The following APBB1IP variants were observed in gnomAD, a reference collection of about 807,000 sequenced individuals.
APBB1IP encodes the protein amyloid beta A4 precursor protein-binding family B member 1-interacting protein.
APBB1IP carries 27 observed loss-of-function variants against 64.9 expected under a neutral mutation model. The observed-to-expected ratio is 0.42, with a 90% CI of 0.31 to 0.57. The LOEUF (loss-of-function observed/expected upper bound fraction) is 0.57. APBB1IP is among the 20% of genes least tolerant of loss of function. The pLI is 0.20. For missense variants in APBB1IP, 812 were observed against 845.5 expected (o/e 0.96, Z 0.49); for synonymous variants, 392 against 331.0 (o/e 1.18, Z -2.00).
intron 6 of APBB1IP, among the ~76,000 whole-genome samples, chr10:26,507,402 C>A (rs569512726): frequency 2.0e-5 from 3 of 152,098 alleles, no homozygotes; most frequent in Non-Finnish European, 4.4e-5. Flanking sequence ...GTGGCTGAGG[C>A]GGGAGGATCC....
At chr10:26,489,559 G>C (rs1835931283) in intron 2 of APBB1IP, among the ~76,000 whole-genome samples, 1 of 152,178 alleles carries the variant, frequency 6.6e-6, no homozygotes, top group Non-Finnish European at 1.5e-5. Context: ...TGATTTTACA[G>C]CCTCATCTGT....
At chr10:26,521,833 CTCTG>C (rs1355117032) in intron 8 of APBB1IP, among the ~76,000 whole-genome samples, 1 of 152,160 alleles carries the variant, frequency 6.6e-6, no homozygotes, top group Non-Finnish European at 1.5e-5. Flanking sequence ...TCACTGCAAC[CTCTG>C]CCTCCCAGGT....
chr10:26,566,209 A>G (rs1415413980), intron 14 of APBB1IP, among the ~76,000 whole-genome samples: 1 of 152,088 alleles, frequency 6.6e-6, no homozygotes, highest in African/African-American at 2.4e-5. Flanking sequence ...ACTTGAGGCT[A>G]GGAGTCTGAG....
chr10:26,463,082 G>A (rs181581863), intron 2 of APBB1IP, among the ~76,000 whole-genome samples: 9 of 152,274 alleles, frequency 5.9e-5, no homozygotes, highest in Middle Eastern at 3.4e-3. Flanking sequence ...ATCGTTGAGC[G>A]TTATTTGCCG....
At chr10:26,478,819 A>G (rs1835805088) in intron 2 of APBB1IP, among the ~76,000 whole-genome samples, 1 of 152,064 alleles carries the variant, frequency 6.6e-6, no homozygotes, top group South Asian at 2.1e-4. Context: ...ATAGGGATGG[A>G]GCCAGAATCT....
Position 26,560,217 on chromosome 10 carries a change from C to T in APBB1IP, c.1254+14C>T, listed in dbSNP as rs781477603. On this transcript the variant is annotated intron_variant, in intron 12 of 14. Coordinates refer to ENST00000376236, the MANE Select transcript of APBB1IP (RefSeq NM_019043.4). ...CGGATAGCCAAGGTGAGAGAGCGTTCGGACTTCACCCTGTCTTGAACTTGC... is the reference window on the plus strand; with the variant it reads ...CGGATAGCCAAGGTGAGAGAGCGTTTGGACTTCACCCTGTCTTGAACTTGC... 14 of 1,609,818 alleles carry T rather than the reference C, an allele frequency of 8.7e-6. No individual in the cohort carries two copies. The highest frequency in any genetic ancestry group is 4.4e-5 in the South Asian group (4 of 90,964).
At position 26,560,740 on chromosome 10, in the gene APBB1IP, C is replaced by T; in HGVS notation, c.1265C>T (p.Thr422Ile). The T allele has an allele frequency of 6.3e-7, 1 of 1,591,658 alleles. No individual in the cohort carries two copies. The highest frequency in any genetic ancestry group is 1.1e-5 in the South Asian group (1 of 89,348). ...GTGTTCTCTCCCCAGTATGGGAAGA[C>T]TCTCTATGATAACTACCAGCGGGCT... ...MGIRIAKYGKTLYDNYQRAVA... is the reference protein window; with the variant it reads ...MGIRIAKYGKILYDNYQRAVA... The change falls in exon 13 of 15, where the codon ACT becomes ATT. Residue 422 changes from threonine to isoleucine, a missense_variant. By Grantham distance (89) the Thr-to-Ile change is moderately conservative. Transcript: ENST00000376236.
intron 8 of APBB1IP, among the ~76,000 whole-genome samples, chr10:26,527,885 T>C (rs1284752404): frequency 6.6e-6 from 1 of 151,870 alleles, no homozygotes; most frequent in African/African-American, 2.4e-5. Context: ...AGAGATGGGG[T>C]TTCACCATCT....
At chr10:26,471,498 A>G (rs1835714556) in intron 2 of APBB1IP, among the ~76,000 whole-genome samples, 1 of 152,206 alleles carries the variant, frequency 6.6e-6, no homozygotes, top group South Asian at 2.1e-4. Context: ...AATGCAGGAA[A>G]AGAATTAAAA....
At chr10:26,475,932 A>T (rs1458420679) in intron 2 of APBB1IP, among the ~76,000 whole-genome samples, 1 of 152,156 alleles carries the variant, frequency 6.6e-6, no homozygotes, top group African/African-American at 2.4e-5. Flanking sequence ...TCATTTTGAA[A>T]AGTTTCAAAG....
intron 8 of APBB1IP, among the ~76,000 whole-genome samples, chr10:26,521,295 A>G (rs1369558671): frequency 6.6e-6 from 1 of 152,146 alleles, no homozygotes; most frequent in South Asian, 2.1e-4. Context: ...TCCTGCCATC[A>G]ACTCTCAGTG....
At position 26,521,871 on chromosome 10, in the gene APBB1IP, C is replaced by G. The variant is rs539872564; in HGVS notation, c.813+8211C>G. Among the ~76,000 whole-genome samples, 38 of 152,294 alleles carry G rather than the reference C, an allele frequency of 2.5e-4. No homozygotes were observed. The South Asian group carries it at 7.7e-3, about 31-fold the overall frequency. ...GTTCAAGCGATTCTCCTGCCTCAGT[C>G]TCCTGAGTAGCTGGGATTACAGGCA... On this transcript the variant is annotated intron_variant, in intron 8 of 14. Coordinates refer to ENST00000376236, the MANE Select transcript of APBB1IP (RefSeq NM_019043.4).
At chr10:26,447,979 A>G (rs570446426) in intron 2 of APBB1IP, among the ~76,000 whole-genome samples, 36 of 152,220 alleles carry the variant, frequency 2.4e-4, no homozygotes, top group African/African-American at 8.4e-4. Flanking sequence ...TGATATATCC[A>G]AAAATGATAA....
chr10:26,498,277 C>A (rs572167231), intron 4 of APBB1IP, among the ~76,000 whole-genome samples: 1 of 151,762 alleles, frequency 6.6e-6, no homozygotes, highest in Non-Finnish European at 1.5e-5. Context: ...GGGAGGCCGA[C>A]GCTGGTGGAT....
At chr10:26,484,440 T>C (rs1225417184) in intron 2 of APBB1IP, among the ~76,000 whole-genome samples, 1 of 152,094 alleles carries the variant, frequency 6.6e-6, no homozygotes, top group Non-Finnish European at 1.5e-5. Flanking sequence ...GTAGCTGGGA[T>C]TATAGGTGCG....
chr10:26,494,194 A>T (rs1835992113), intron 3 of APBB1IP, among the ~76,000 whole-genome samples: 1 of 152,214 alleles, frequency 6.6e-6, no homozygotes, highest in Non-Finnish European at 1.5e-5. Flanking sequence ...ACTCAACCAT[A>T]GACTGAGAAA....
intron 2 of APBB1IP, among the ~76,000 whole-genome samples, chr10:26,466,508 G>A (rs1186294634): frequency 6.6e-6 from 1 of 152,192 alleles, no homozygotes; most frequent in East Asian, 1.9e-4. Context: ...GCTTCAAGAA[G>A]TTATCCAGTT....
At chr10:26,460,151 T>C (rs973452666) in intron 2 of APBB1IP, among the ~76,000 whole-genome samples, 2 of 152,132 alleles carry the variant, frequency 1.3e-5, no homozygotes, top group African/African-American at 4.8e-5. Flanking sequence ...AATAACACTC[T>C]CTGTAAAGTT....
intron 11 of APBB1IP, among the ~76,000 whole-genome samples, chr10:26,542,882 A>AT (rs1419215008): frequency 1.3e-5 from 2 of 150,914 alleles, no homozygotes; most frequent in Admixed American, 1.3e-4. Flanking sequence ...TCAACCAGGC[A>AT]TTTTGCCTCC....
Sources: allele counts gnomAD v4.1 joint callset (sites outside exome capture counted in the v4.1 genomes callset), GRCh38; gene constraint gnomAD v4.1.1; transcripts MANE v1.5; gene names NCBI Gene and HGNC (gene_info 2026-07-23, HGNC 2026-07-21).